ERMAP: variants seen among roughly 807,000 people sequenced by gnomAD.
The protein encoded by ERMAP is erythroid membrane-associated protein.
ERMAP carries 34 observed loss-of-function variants against 49.5 expected under a neutral mutation model. The ratio of observed to expected loss-of-function variants is 0.69; its 90% CI spans 0.52 to 0.91. The LOEUF (loss-of-function observed/expected upper bound fraction) is 0.91, where lower values mean the gene tolerates loss of function less well. Ranked by LOEUF, ERMAP falls within the 40% of genes least tolerant of loss-of-function variation. The pLI, the probability that ERMAP is intolerant of heterozygous loss-of-function variation, is 0.00. For synonymous variants in ERMAP, 214 were observed against 232.2 expected, an observed-to-expected ratio of 0.92 and a Z score of 0.71; for missense variants, 541 against 582.6, an observed-to-expected ratio of 0.93 and a Z score of 0.74.
rs571787831 is a variant in ERMAP at position 42,839,946 on chromosome 1, C to A, written c.638-87C>A. On this transcript the variant is annotated intron_variant, in intron 8 of 11. Coordinates refer to ENST00000372517, the MANE Select transcript of ERMAP (RefSeq NM_001017922.2). ...TATAGCTATTGAGTATCTGTCTGCTCATGGTTGGGATGGGACTGTAGCATT... is the reference window on the plus strand; with the variant it reads ...TATAGCTATTGAGTATCTGTCTGCTAATGGTTGGGATGGGACTGTAGCATT... 5 of 1,329,828 alleles carry A rather than the reference C, an allele frequency of 3.8e-6. No individual in the cohort carries two copies. The African/African-American group carries it at 4.4e-5, about 12-fold the overall frequency. 82.4% of individuals were successfully genotyped at this position (1,329,828 alleles called of 1,614,324 possible).
intron 2 of ERMAP, among the ~76,000 whole-genome samples, chr1:42,827,405 G>C (rs969319234): frequency 6.6e-6 from 1 of 152,140 alleles, no homozygotes; most frequent in Non-Finnish European, 1.5e-5. Context: ...AAACTCCTGG[G>C]CTCAAGCAAT....
At chr1:42,837,328 T>A in intron 7 of ERMAP, 138 bp downstream of exon 7, 1 of 983,326 alleles carries the variant, frequency 1.0e-6, no homozygotes, top group Non-Finnish European at 1.5e-6. Context: ...CCATTGATAT[T>A]ACTGGAATTT....
At chr1:42,834,543 TTTTGTTTG>T (rs144061250) in intron 4 of ERMAP, 14 of 283,676 alleles carry the variant, frequency 4.9e-5, no homozygotes, top group Admixed American at 1.7e-4. Context: ...ACATCTCAGT[TTTTGTTTG>T]TTTGTTTGTT....
rs1391164131 is a variant in ERMAP at position 42,817,242 on chromosome 1, G to A, written c.-133G>A. On this transcript the variant is annotated 5_prime_UTR_variant, in exon 1 of 12. Transcript: ENST00000372517. ...GAGCCTCCGCCGAGTCGCAGACAAC[G>A]CCTCCGGGAGGGTAATCCTCGCCTT... is the stretch of plus-strand genomic sequence containing the variant. 3 of 1,253,876 alleles carry A rather than the reference G, an allele frequency of 2.4e-6. No individual in the cohort carries two copies. The highest frequency in any genetic ancestry group is 7.5e-5 in the East Asian group (1 of 13,364). The allele number at this position is 1,253,876 out of a possible 1,614,324, so 77.7% of individuals were successfully genotyped here. A position where few individuals can be genotyped will look rare whatever the true frequency, so the allele number is the denominator to read the frequency against.
intron 4 of ERMAP, among the ~76,000 whole-genome samples, chr1:42,831,559 T>TG (rs1570537322): frequency 6.4e-5 from 3 of 46,812 alleles, no homozygotes; most frequent in Non-Finnish European, 1.0e-4. Context: ...GATAGTGTTT[T>TG]TTTTTTTTTT....
chr1:42,839,087 T>G (rs1317157119), intron 8 of ERMAP, 166 bp downstream of exon 8: 1 of 954,938 alleles, frequency 1.0e-6, no homozygotes, highest in African/African-American at 1.6e-5. Flanking sequence ...TTCTCAAGTA[T>G]TCTCTGCTCC....
rs1183063266 is a variant in ERMAP at position 42,844,352 on chromosome 1, G to C, written c.*1120G>C. ...CTAACCATGGAGATATTGGTTATCAGTTTGCAGATGAATACACAGTTCTAT... is the reference window on the plus strand; with the variant it reads ...CTAACCATGGAGATATTGGTTATCACTTTGCAGATGAATACACAGTTCTAT... On this transcript the variant is annotated 3_prime_UTR_variant, in exon 12 of 12. Coordinates refer to ENST00000372517, the MANE Select transcript of ERMAP (RefSeq NM_001017922.2). The surrounding 1 kb of genome is among the most constrained non-coding windows in gnomAD (Gnocchi z 4.0). 5.0e-5 allele frequency: 19 copies of C among 380,324 alleles called. No individual in the cohort carries two copies. In the East Asian group the frequency reaches 7.1e-4, roughly 14 times the overall value. 23.6% of individuals were successfully genotyped at this position (380,324 alleles called of 1,614,324 possible).
intron 2 of ERMAP, among the ~76,000 whole-genome samples, chr1:42,826,619 G>A (rs1654558869): frequency 6.6e-6 from 1 of 151,982 alleles, no homozygotes; most frequent in African/African-American, 2.4e-5. Flanking sequence ...ACACTTTGGG[G>A]GGCCGAGGAG....
At chr1:42,840,213 C>G (rs1292252634) in intron 10 of ERMAP, 35 bp downstream of exon 10, 2 of 1,614,052 alleles carry the variant, frequency 1.2e-6, no homozygotes, top group South Asian at 2.2e-5. Context: ...GACCACCACC[C>G]TACAGGAGTT....
rs1351959883 is a variant in ERMAP at position 42,830,529 on chromosome 1, G to A, written c.81G>A (p.Val27=). The change falls in exon 3 of 12, where the codon GTG becomes GTA. Residue 27 remains valine, a synonymous_variant. Coordinates refer to ENST00000372517, the MANE Select transcript of ERMAP (RefSeq NM_001017922.2). Reference sequence around the variant, plus strand: ...TCTTCCTCCGGCTGTCTGTGCATGTGTCAGGTAGGAGTTTCTGATCCTCTT... The same window carrying A: ...TCTTCCTCCGGCTGTCTGTGCATGTATCAGGTAGGAGTTTCTGATCCTCTT... ...PLVFLRLSVH[V]SGHAGDAGKF... 1.2e-6 allele frequency: 2 copies of A among 1,613,806 alleles called. No individual in the cohort carries two copies. Among genetic ancestry groups the A allele is most frequent in the Non-Finnish European group, 1.7e-6 (2 of 1,179,836 alleles).
intron 6 of ERMAP, 110 bp downstream of exon 6, chr1:42,835,874 A>G (rs1000807058): frequency 2.7e-6 from 4 of 1,473,968 alleles, no homozygotes; most frequent in Non-Finnish European, 3.6e-6. Flanking sequence ...ATTATCTGCT[A>G]TCCTTGGTGA....
intron 9 of ERMAP, 22 bp from the exon 10 acceptor site, chr1:42,840,130 C>T: frequency 3.7e-6 from 6 of 1,614,152 alleles, no homozygotes; most frequent in Non-Finnish European, 5.1e-6. Flanking sequence ...ATAGCTCATT[C>T]CCCTTGTTTC....
chr1:42,826,421 T>C (rs578184431), intron 2 of ERMAP, among the ~76,000 whole-genome samples: 7 of 152,058 alleles, frequency 4.6e-5, no homozygotes, highest in Non-Finnish European at 8.8e-5. Flanking sequence ...ATGGTAAGGT[T>C]GTGGGAAAAC....
rs1266740497 is a variant in ERMAP at position 42,843,458 on chromosome 1, CCAAA to C, written c.*230_*233del. 3 of 453,306 alleles carry C rather than the reference CCAAA, an allele frequency of 6.6e-6. No homozygotes were observed. Among genetic ancestry groups the C allele is most frequent in the African/African-American group, 2.0e-5 (1 of 49,998 alleles). The allele number at this position is 453,306 out of a possible 1,614,324, so 28.1% of individuals were successfully genotyped here. ...GACCTGGAGGGAGGATTCCTGGAAA[CCAAA>C]CAATCAGTTTAGGTGCAGGTGGAGA... On this transcript the variant is annotated 3_prime_UTR_variant, in exon 12 of 12. Transcript: ENST00000372517.
intron 1 of ERMAP, among the ~76,000 whole-genome samples, chr1:42,824,980 CCA>C (rs955970310): frequency 4.8e-4 from 73 of 152,156 alleles, no homozygotes; most frequent in African/African-American, 1.7e-3. Context: ...GTGTGGGCCA[CCA>C]CAGATGTCTG....
chr1:42,828,346 A>G (rs78408539), intron 2 of ERMAP, among the ~76,000 whole-genome samples: 1 of 152,102 alleles, frequency 6.6e-6, no homozygotes, highest in Non-Finnish European at 1.5e-5. Flanking sequence ...AACCCTATCT[A>G]TGAGGTAGGT....
intron 7 of ERMAP, 45 bp downstream of exon 7, chr1:42,837,235 CT>C: frequency 6.4e-7 from 1 of 1,574,304 alleles, no homozygotes; most frequent in Non-Finnish European, 8.7e-7. Context: ...AAAACACATT[CT>C]TTATTTTTCT....
At chr1:42,833,089 C>T (rs553213024) in intron 4 of ERMAP, among the ~76,000 whole-genome samples, 56 of 152,360 alleles carry the variant, frequency 3.7e-4, no homozygotes, top group African/African-American at 1.3e-3. Context: ...GAACCATCCA[C>T]AACATGGCCC....
At position 42,830,492 on chromosome 1, in the gene ERMAP, T is replaced by G. The variant is rs747684047; in HGVS notation, c.44T>G (p.Leu15Arg). Residue 15 changes from leucine (L) to arginine (R), a missense_variant, in exon 3 of 12, where the codon CTC (leucine) becomes CGC (arginine). Transcript: ENST00000372517. ...GCTGGCTCCTGGCTCTCTGGCTGCC[T>G]CATCCCTCTCGTCTTCCTCCGGCTG... is the stretch of plus-strand genomic sequence containing the variant. ...SSAGSWLSGC[L>R]IPLVFLRLSV... The G allele has an allele frequency of 1.9e-6, 3 of 1,614,182 alleles. No individual in the cohort carries two copies. The highest frequency in any genetic ancestry group is 2.5e-6 in the Non-Finnish European group (3 of 1,180,008).
Sources: allele counts gnomAD v4.1 joint callset (sites outside exome capture counted in the v4.1 genomes callset), GRCh38; gene constraint gnomAD v4.1.1; non-coding constraint Gnocchi (gnomAD v3.1); transcripts MANE v1.5; gene names NCBI Gene and HGNC (gene_info 2026-07-23, HGNC 2026-07-21).